Variants in GH1 observed in about 807,000 individuals in gnomAD.
GH1 encodes the protein growth hormone 1, also known as somatotropin.
Under a neutral mutation model 24.5 loss-of-function variants are expected in GH1, and 13 were observed. That is an observed-to-expected ratio of 0.53 (90% confidence interval 0.35 to 0.85). The LOEUF (loss-of-function observed/expected upper bound fraction) is 0.85. Among genes scored for constraint, GH1 ranks in the 40% least tolerant of loss-of-function variants. The probability of loss-of-function intolerance (pLI) is 0.01; values close to 1 mark genes in which losing one functional copy is unlikely to be tolerated. For synonymous variants in GH1, 126 were observed against 116.3 expected (o/e 1.08, Z -0.54); for missense variants, 294 against 273.2 (o/e 1.08, Z -0.54).
rs534831938 is a variant in GH1 at position 63,917,336 on chromosome 17, G to C, written c.627C>G (p.Arg209=). ...AGAAGCCACAGCTGCCCTCCACAGAGCGGCACTGCACGATGCGCAGGAATG... is the reference window on the plus strand; with the variant it reads ...AGAAGCCACAGCTGCCCTCCACAGACCGGCACTGCACGATGCGCAGGAATG... ...VETFLRIVQC[R]SVEGSCGF Residue 209 remains arginine, a synonymous_variant, in exon 5 of 5, where the codon CGC becomes CGG. Transcript: ENST00000323322. 2.5e-6 allele frequency: 4 copies of C among 1,614,090 alleles called. No individual in the cohort carries two copies. In the South Asian group the frequency reaches 4.4e-5, roughly 18 times the overall value.
In GH1 at chr17:63,918,793, G is replaced by A. The variant is rs1404144995; in HGVS notation, c.-17C>T. ...TGTAGCCATTGCAGCTAGGTGAGCT[G>A]TCCACAGGACCCTGAGTGGTTCGGG... is the stretch of plus-strand genomic sequence containing the variant. On this transcript the variant is annotated 5_prime_UTR_variant, in exon 1 of 5. Transcript: ENST00000323322. 3.1e-6 allele frequency: 5 copies of A among 1,613,870 alleles called. No homozygotes were observed. The highest frequency in any genetic ancestry group is 1.3e-5 in the African/African-American group (1 of 74,924).
Position 63,918,763 on chromosome 17 carries a change from T to A in GH1, c.10+4A>T. On this transcript the variant is annotated splice_donor_region_variant and intron_variant, in intron 1 of 4. Transcript: ENST00000323322. ...GTGCCCAAAGGGATTTTAGGGGCGCTTACCTGTAGCCATTGCAGCTAGGTG... is the reference window on the plus strand; with the variant it reads ...GTGCCCAAAGGGATTTTAGGGGCGCATACCTGTAGCCATTGCAGCTAGGTG... 6.2e-7 allele frequency: 1 copy of A among 1,613,972 alleles called. No individual in the cohort carries two copies. The highest frequency in any genetic ancestry group is 1.7e-5 in the Admixed American group (1 of 60,018).
rs778008637 is a variant in GH1, at chr17:63,918,396, G to A, written c.121C>T (p.Leu41Phe). The change falls in exon 2 of 5, where the codon CTC becomes TTC. Residue 41 changes from leucine (L) to phenylalanine (F), a missense_variant. Leu to Phe is a conservative substitution (Grantham distance 22, BLOSUM62 0). Coordinates refer to ENST00000323322, the MANE Select transcript of GH1 (RefSeq NM_000515.5). ...AGCTGGTGCAGACGATGGGCGCGGA[G>A]CATAGCGTTGTCAAAAAGCCTGGAT... ...PLSRLFDNAM[L>F]RAHRLHQLAF... The A allele has an allele frequency of 1.6e-5, 26 of 1,614,192 alleles. No homozygotes were observed. Among genetic ancestry groups the A allele is most frequent in the East Asian group, 1.6e-4 (7 of 44,880 alleles).
chr17:63,917,738 G>T (rs41295245), intron 4 of GH1, 22 bp downstream of exon 4: 39 of 1,614,036 alleles, frequency 2.4e-5, no homozygotes, highest in African/African-American at 1.5e-4. Context: ...CCAGGATTGG[G>T]GACCCCTGGC....
intron 2 of GH1, 60 bp from the exon 3 acceptor site, chr17:63,918,196 C>T: frequency 1.2e-6 from 2 of 1,613,972 alleles, no homozygotes; most frequent in East Asian, 4.5e-5. Flanking sequence ...TGTTACTTTT[C>T]TGGGAACCTC....
intron 1 of GH1, 25 bp from the exon 2 acceptor site, chr17:63,918,531 G>C: frequency 6.2e-7 from 1 of 1,613,568 alleles, no homozygotes; most frequent in Non-Finnish European, 8.5e-7. Flanking sequence ...GAGGGCAACA[G>C]AGGGAGCCGG....
rs137853220 is a variant in GH1 at position 63,917,909 on chromosome 17, G to A, written c.307C>T (p.Arg103Cys). ...TQQKSNLELL[R>C]ISLLLIQSWL... Reference sequence around the variant, plus strand: ...GACTGGATGAGCAGCAGGGAGATGCGGAGCAGCTCTAGGTTCTGCAGGGGA... The same window carrying A: ...GACTGGATGAGCAGCAGGGAGATGCAGAGCAGCTCTAGGTTCTGCAGGGGA... Residue 103 changes from arginine to cysteine, a missense_variant, in exon 4 of 5, where the codon CGC (arginine) becomes TGC (cysteine). Coordinates refer to ENST00000323322, the MANE Select transcript of GH1 (RefSeq NM_000515.5). 4 of 1,614,206 alleles carry A rather than the reference G, an allele frequency of 2.5e-6. No individual in the cohort carries two copies. Among genetic ancestry groups the A allele is most frequent in the South Asian group, 2.2e-5 (2 of 91,076 alleles).
rs767154356 is a variant in GH1 at position 63,917,249 on chromosome 17, G to A, written c.*60C>T. On this transcript the variant is annotated 3_prime_UTR_variant, in exon 5 of 5. Coordinates refer to ENST00000323322, the MANE Select transcript of GH1 (RefSeq NM_000515.5). ...GGACAAGGCTGGTGGGCACTGGAGT[G>A]GCAACTTCCAGGGCCAGGAGAGGCA... The A allele has an allele frequency of 1.2e-6, 2 of 1,612,916 alleles. No individual in the cohort carries two copies. Among genetic ancestry groups the A allele is most frequent in the South Asian group, 1.1e-5 (1 of 91,046 alleles).
At chr17:63,917,947 G>T in intron 3 of GH1, 23 bp from the exon 4 acceptor site, 1 of 1,614,130 alleles carries the variant, frequency 6.2e-7, no homozygotes. Context: ...GACGGGCATT[G>T]GCTGTGCTGC....
At chr17:63,918,735 A>T in intron 1 of GH1, 32 bp downstream of exon 1, 1 of 1,613,692 alleles carries the variant, frequency 6.2e-7, no homozygotes, top group Admixed American at 1.7e-5. Context: ...CTCAGGACAC[A>T]TTGTGCCCAA....
chr17:63,918,251 C>A, intron 2 of GH1, 95 bp downstream of exon 2: 2 of 1,610,826 alleles, frequency 1.2e-6, no homozygotes, highest in South Asian at 2.2e-5. Flanking sequence ...TCGGGAAAAA[C>A]CCTGAGCTCC....
Position 63,918,002 on chromosome 17 carries a change from A to G in GH1, c.291+15T>C. On this transcript the variant is annotated intron_variant, in intron 3 of 4. Transcript: ENST00000323322. Reference sequence around the variant, plus strand: ...GTCTCCCCCATCCCCGCCTGGGGAGAAGGCATCCACTCACGGATTTCTGTT... The same window carrying G: ...GTCTCCCCCATCCCCGCCTGGGGAGGAGGCATCCACTCACGGATTTCTGTT... 6.2e-7 allele frequency: 1 copy of G among 1,614,104 alleles called. No individual in the cohort carries two copies. Among genetic ancestry groups the G allele is most frequent in the Non-Finnish European group, 8.5e-7 (1 of 1,179,996 alleles).
At chr17:63,918,561 C>G (rs1907533495) in intron 1 of GH1, 55 bp from the exon 2 acceptor site, 6 of 1,612,458 alleles carry the variant, frequency 3.7e-6, no homozygotes, top group Non-Finnish European at 5.1e-6. Flanking sequence ...GGCCAGCACT[C>G]TCCCTGCTCC....
Position 63,917,246 on chromosome 17 carries a change from A to C in GH1, c.*63T>G. On this transcript the variant is annotated 3_prime_UTR_variant, in exon 5 of 5. Transcript: ENST00000323322. ...TTAGGACAAGGCTGGTGGGCACTGG[A>C]GTGGCAACTTCCAGGGCCAGGAGAG... 6.2e-7 allele frequency: 1 copy of C among 1,612,534 alleles called. No individual in the cohort carries two copies. The highest frequency in any genetic ancestry group is 1.1e-5 in the South Asian group (1 of 91,030).
At position 63,917,260 on chromosome 17, in the gene GH1, G is replaced by A. The variant is rs754364357; in HGVS notation, c.*49C>T. ...GTGGGCACTGGAGTGGCAACTTCCA[G>A]GGCCAGGAGAGGCACTGGGGAGGGG... is the stretch of plus-strand genomic sequence containing the variant. On this transcript the variant is annotated 3_prime_UTR_variant, in exon 5 of 5. Coordinates refer to ENST00000323322, the MANE Select transcript of GH1 (RefSeq NM_000515.5). The A allele has an allele frequency of 1.7e-5, 27 of 1,613,758 alleles. 1 individual carries two copies. In the East Asian group the frequency reaches 6.0e-4, roughly 36 times the overall value.
rs769998616 is a variant in GH1, at chr17:63,917,807, A to G, written c.409T>C (p.Tyr137His). 3.1e-6 allele frequency: 5 copies of G among 1,614,106 alleles called. No homozygotes were observed. Among genetic ancestry groups the G allele is most frequent in the Non-Finnish European group, 3.4e-6 (4 of 1,180,058 alleles). The change falls in exon 4 of 5, where the codon TAT becomes CAT. Residue 137 changes from tyrosine (Y) to histidine (H), a missense_variant. By Grantham distance (83) the Tyr-to-His change is moderately conservative. Transcript: ENST00000323322. The stretch of plus-strand genomic sequence containing the variant: ...TCCTCTAGGTCCTTTAGGAGGTCAT[A>G]GACGTTGCTGTCAGAGGCGCCGTAC... ...LVYGASDSNVYDLLKDLEEGI... is the reference protein window; with the variant it reads ...LVYGASDSNVHDLLKDLEEGI...
intron 1 of GH1, 73 bp downstream of exon 1, chr17:63,918,694 C>A: frequency 2.5e-6 from 4 of 1,612,620 alleles, no homozygotes; most frequent in East Asian, 2.2e-5. Context: ...GGTTAGTGCC[C>A]CCGTCCCATC....
chr17:63,918,198 G>A, intron 2 of GH1, 62 bp from the exon 3 acceptor site: 1 of 1,613,900 alleles, frequency 6.2e-7, no homozygotes, highest in Non-Finnish European at 8.5e-7. Flanking sequence ...TTACTTTTCT[G>A]GGAACCTCAC....
rs6174 is a variant in GH1, at chr17:63,917,902, G to C, written c.314C>G (p.Ser105Cys). The part of the protein sequence containing the change: ...QKSNLELLRI[S>C]LLLIQSWLEP... ...CAGCCACGACTGGATGAGCAGCAGG[G>C]AGATGCGGAGCAGCTCTAGGTTCTG... Residue 105 changes from serine to cysteine, a missense_variant, in exon 4 of 5, where the codon TCC (serine) becomes TGC (cysteine). Transcript: ENST00000323322. 1.9e-6 allele frequency: 3 copies of C among 1,614,186 alleles called. No homozygotes were observed. Among genetic ancestry groups the C allele is most frequent in the African/African-American group, 2.7e-5 (2 of 75,042 alleles).
Sources: gnomAD v4.1 joint callset for allele counts on GRCh38, gnomAD v4.1.1 for gene constraint, MANE v1.5 for transcripts, NCBI Gene and HGNC (gene_info 2026-07-23, HGNC 2026-07-21) for gene names.